The following NPY2R variants were observed in gnomAD, a reference collection of about 807,000 sequenced individuals.
The protein encoded by NPY2R is neuropeptide Y receptor Y2.
NPY2R carries 17 observed loss-of-function variants against 22.3 expected under a neutral mutation model. That is an observed-to-expected ratio of 0.76 (90% CI 0.52 to 1.14). The LOEUF (loss-of-function observed/expected upper bound fraction) is 1.14, where lower values mean the gene tolerates loss of function less well. NPY2R is among the 50% of genes most tolerant of loss of function. The probability of loss-of-function intolerance (pLI) is 0.00; values close to 1 mark genes in which losing one functional copy is unlikely to be tolerated. For synonymous variants in NPY2R, 209 were observed against 183.4 expected, an observed-to-expected ratio of 1.14 and a Z score of -1.13; for missense variants, 424 against 467.9, an observed-to-expected ratio of 0.91 and a Z score of 0.87.
rs746263096 is a variant in NPY2R at position 155,214,065 on chromosome 4, T to C, written c.126T>C (p.Asp42=). The C allele has an allele frequency of 3.7e-6, 6 of 1,613,834 alleles. No homozygotes were observed. The highest frequency in any genetic ancestry group is 5.1e-6 in the Non-Finnish European group (6 of 1,179,892). The part of the protein sequence containing the change: ...LVPDPEPELI[D]STKLIEVQVV... ...CTGACCCTGAGCCAGAGCTTATAGATAGTACCAAGCTGATTGAGGTACAAG... is the reference window on the plus strand; with the variant it reads ...CTGACCCTGAGCCAGAGCTTATAGACAGTACCAAGCTGATTGAGGTACAAG... Residue 42 remains aspartate (D), a synonymous_variant, in exon 2 of 2, where the codon GAT becomes GAC. Transcript: ENST00000329476.
chr4:155,174,478 A>ATATATATATATATATATATG, the NPY2R span, among the ~76,000 whole-genome samples: 31 of 88,756 alleles, frequency 3.5e-4, no homozygotes, highest in African/African-American at 1.8e-3. Flanking sequence ...ATATATATAT[A>ATATATATATATATATATATG]TATATATTTT....
rs1430689301 is a variant in NPY2R, at chr4:155,208,945, G to A, written c.-173G>A. The A allele has an allele frequency of 6.6e-6, 1 of 152,188 alleles. No individual in the cohort carries two copies. The allele number at this position is 152,188 out of a possible 1,614,324, so 9.4% of individuals were successfully genotyped here. A position where few individuals can be genotyped will look rare whatever the true frequency, so the allele number is the denominator to read the frequency against. ...CGGGCTGTCCTGGACCCTAGGAGGG[G>A]ACGGAACCGGACTTGCCTTTGGGCA... On this transcript the variant is annotated 5_prime_UTR_variant, in exon 1 of 2. Coordinates refer to ENST00000329476, the MANE Select transcript of NPY2R (RefSeq NM_000910.4). The surrounding 1 kb of genome is among the most constrained non-coding windows in gnomAD (Gnocchi z 5.6).
At chr4:155,182,029 T>C in the NPY2R span, among the ~76,000 whole-genome samples, 1 of 152,152 alleles carries the variant, frequency 6.6e-6, no homozygotes, top group Non-Finnish European at 1.5e-5. Flanking sequence ...GTTTCCCCAA[T>C]AAGCAGTAGA....
chr4:155,177,094 T>A, the NPY2R span, among the ~76,000 whole-genome samples: 2 of 152,336 alleles, frequency 1.3e-5, no homozygotes, highest in East Asian at 1.9e-4. Flanking sequence ...CCCAAATTCA[T>A]GTCCTTCTCA....
At chr4:155,201,092 AATG>A in the NPY2R span, among the ~76,000 whole-genome samples, 1 of 152,136 alleles carries the variant, frequency 6.6e-6, no homozygotes, top group African/African-American at 2.4e-5. Context: ...AGGGATGGGT[AATG>A]ATATTTCTCT....
the NPY2R span, among the ~76,000 whole-genome samples, chr4:155,196,276 G>A: frequency 2.0e-5 from 3 of 151,856 alleles, no homozygotes; most frequent in Non-Finnish European, 4.4e-5. Flanking sequence ...AATTACCTTA[G>A]AGGCTTTCCT....
the NPY2R span, among the ~76,000 whole-genome samples, chr4:155,199,207 T>G: frequency 6.6e-6 from 1 of 151,970 alleles, no homozygotes; most frequent in Non-Finnish European, 1.5e-5. Flanking sequence ...GATTTTGCAG[T>G]CTCTGGCTCT....
chr4:155,174,627 A>T, the NPY2R span, among the ~76,000 whole-genome samples: 2 of 151,712 alleles, frequency 1.3e-5, no homozygotes, highest in Non-Finnish European at 2.9e-5. Flanking sequence ...ACATTTTGGG[A>T]ACTAAAATTA....
At chr4:155,175,441 C>T in the NPY2R span, among the ~76,000 whole-genome samples, 2 of 152,116 alleles carry the variant, frequency 1.3e-5, no homozygotes, top group East Asian at 3.9e-4. Flanking sequence ...ACCAACCTCA[C>T]TTCTGCTGTC....
the NPY2R span, among the ~76,000 whole-genome samples, chr4:155,188,328 A>C: frequency 2.4e-4 from 37 of 152,122 alleles, no homozygotes; most frequent in African/African-American, 8.9e-4. Flanking sequence ...TCTTCTTTCT[A>C]AGCTTAATCC....
the NPY2R span, among the ~76,000 whole-genome samples, chr4:155,193,026 G>A: frequency 6.6e-6 from 1 of 152,000 alleles, no homozygotes; most frequent in East Asian, 1.9e-4. Flanking sequence ...GTGTTTGAGA[G>A]TAAAGATGTT....
the NPY2R span, among the ~76,000 whole-genome samples, chr4:155,184,961 A>G: frequency 6.7e-6 from 1 of 148,202 alleles, no homozygotes; most frequent in Admixed American, 6.7e-5. Flanking sequence ...TATATATTAT[A>G]TATATTTATA....
At chr4:155,178,232 G>A in the NPY2R span, among the ~76,000 whole-genome samples, 2,317 of 152,258 alleles carry the variant, frequency 0.015, 58 homozygotes, top group African/African-American at 0.053. Flanking sequence ...CAAGATGAAT[G>A]TCAGGGGAAG....
the NPY2R span, among the ~76,000 whole-genome samples, chr4:155,198,311 C>T: frequency 6.6e-6 from 1 of 151,424 alleles, no homozygotes; most frequent in South Asian, 2.1e-4. Flanking sequence ...TAGTTATATG[C>T]CTGATGAAAG....
chr4:155,183,132 C>T, the NPY2R span, among the ~76,000 whole-genome samples: 15 of 152,202 alleles, frequency 9.9e-5, no homozygotes, highest in South Asian at 2.1e-4. Flanking sequence ...ACCATAAGTT[C>T]GGGTATTCCT....
intron 1 of NPY2R, among the ~76,000 whole-genome samples, chr4:155,209,922 G>A (rs1729367792): frequency 1.3e-5 from 2 of 152,086 alleles, no homozygotes; most frequent in South Asian, 2.1e-4. Context: ...AATAACTTGA[G>A]GTTATTTGAA....
the NPY2R span, among the ~76,000 whole-genome samples, chr4:155,186,573 G>A: frequency 9.9e-5 from 15 of 152,114 alleles, no homozygotes; most frequent in African/African-American, 3.4e-4. Flanking sequence ...TACCTGATAC[G>A]CTTGCTAATT....
upstream of NPY2R, among the ~76,000 whole-genome samples, chr4:155,206,114 C>T (rs1037134618): frequency 2.6e-5 from 4 of 152,124 alleles, no homozygotes; most frequent in African/African-American, 9.7e-5. Flanking sequence ...CTCCTACAAC[C>T]TAGCATGCTG....
chr4:155,186,315 G>A, the NPY2R span, among the ~76,000 whole-genome samples: 64,143 of 151,840 alleles, frequency 0.42, 13,977 homozygotes, highest in East Asian at 0.69. Context: ...CATATTTTAG[G>A]TTATTTGATT....
Sources: gnomAD v4.1 joint callset for allele counts (sites outside exome capture counted in the v4.1 genomes callset) on GRCh38, gnomAD v4.1.1 for gene constraint, Gnocchi (gnomAD v3.1) non-coding constraint, MANE v1.5 for transcripts, NCBI Gene and HGNC (gene_info 2026-07-23, HGNC 2026-07-21) for gene names.